Variants in RAB11FIP4 observed in about 807,000 individuals in gnomAD.
RAB11FIP4 encodes the protein rab11 family-interacting protein 4.
In RAB11FIP4, 23 loss-of-function variants were observed where a neutral mutation model predicts 74.3. The observed-to-expected ratio is 0.31, with a 90% CI of 0.22 to 0.44. The LOEUF is 0.44. Among genes scored for constraint, RAB11FIP4 ranks in the 20% least tolerant of loss-of-function variants. The pLI, the probability that RAB11FIP4 is intolerant of heterozygous loss-of-function variation, is 1.00. For missense variants in RAB11FIP4, 630 were observed against 863.9 expected, an observed-to-expected ratio of 0.73 and a Z score of 3.39; for synonymous variants, 360 against 359.9, an observed-to-expected ratio of 1.00 and a Z score of 0.00.
intron 1 of RAB11FIP4, among the ~76,000 whole-genome samples, chr17:31,424,872 T>C (rs2071233275): frequency 6.6e-6 from 1 of 152,282 alleles, no homozygotes; most frequent in African/African-American, 2.4e-5. Context: ...CCACTGTGCC[T>C]GGCCTAATTT....
In RAB11FIP4 at chr17:31,491,772, C is replaced by T. The variant is rs139745601; in HGVS notation, c.337-25879C>T. 4.6e-3 allele frequency among the ~76,000 whole-genome samples: 699 copies of T among 152,276 alleles called. 3 individuals carry two copies. Among genetic ancestry groups the T allele is most frequent in the African/African-American group, 0.014 (593 of 41,550 alleles). Reference sequence around the variant, plus strand: ...AAGTGAGACTAGAAATCCACAGGCACGAGCTGCCTTCCATTGCTCTGCCCT... The same window carrying T: ...AAGTGAGACTAGAAATCCACAGGCATGAGCTGCCTTCCATTGCTCTGCCCT... On this transcript the variant is annotated intron_variant, in intron 3 of 14. Coordinates refer to ENST00000621161, the MANE Select transcript of RAB11FIP4 (RefSeq NM_032932.6).
chr17:31,488,312 G>A, intron 3 of RAB11FIP4: 1 of 1,173,984 alleles, frequency 8.5e-7, no homozygotes, highest in Non-Finnish European at 1.1e-6. Context: ...CAGGGCTCCG[G>A]CGGCGCGCAC....
At chr17:31,508,570 C>G (rs1481758573) in intron 3 of RAB11FIP4, among the ~76,000 whole-genome samples, 2 of 152,234 alleles carry the variant, frequency 1.3e-5, no homozygotes, top group Non-Finnish European at 2.9e-5. Flanking sequence ...GCTGGCCAGC[C>G]AGACCTGACA....
intron 3 of RAB11FIP4, among the ~76,000 whole-genome samples, chr17:31,511,642 C>T (rs546011995): frequency 1.3e-5 from 2 of 152,358 alleles, no homozygotes; most frequent in African/African-American, 2.4e-5. Context: ...TGTGTCAGCT[C>T]AGGGAAACGC....
intron 1 of RAB11FIP4, among the ~76,000 whole-genome samples, chr17:31,414,994 C>G (rs921294555): frequency 1.4e-4 from 22 of 152,192 alleles, no homozygotes; most frequent in African/African-American, 5.3e-4. Context: ...CAGCGTTGAC[C>G]CAAGAGGGCA....
chr17:31,394,253 A>C (rs948475640), intron 1 of RAB11FIP4, among the ~76,000 whole-genome samples: 4 of 152,212 alleles, frequency 2.6e-5, no homozygotes, highest in Admixed American at 2.6e-4. Context: ...TTCCATGCTT[A>C]TATGTCAATT....
In RAB11FIP4 at chr17:31,521,946, G is replaced by GTGTA; in HGVS notation, c.791_794dup (p.Asn266ValfsTer22). 1 of 1,614,206 alleles carries GTGTA rather than the reference G, an allele frequency of 6.2e-7. No homozygotes were observed. Among genetic ancestry groups the GTGTA allele is most frequent in the Non-Finnish European group, 8.5e-7 (1 of 1,180,044 alleles). Reference sequence around the variant, plus strand: ...GCAGACGCCTAGGAAAATGCGGCACGTGTACAACAGCGAATTGCTAGATGT... The same window carrying GTGTA: ...GCAGACGCCTAGGAAAATGCGGCACGTGTATGTACAACAGCGAATTGCTAGATGT... On this transcript the variant is annotated frameshift_variant, in exon 6 of 15. Coordinates refer to ENST00000621161, the MANE Select transcript of RAB11FIP4 (RefSeq NM_032932.6). LOFTEE classifies it high-confidence loss of function.
At chr17:31,530,819 A>T (rs1019015518) in intron 14 of RAB11FIP4, among the ~76,000 whole-genome samples, 1 of 152,184 alleles carries the variant, frequency 6.6e-6, no homozygotes, top group Non-Finnish European at 1.5e-5. Flanking sequence ...GGAGGACATT[A>T]GCATTTCCCC....
chr17:31,494,310 C>T (rs2072072094), intron 3 of RAB11FIP4, among the ~76,000 whole-genome samples: 1 of 152,018 alleles, frequency 6.6e-6, no homozygotes, highest in Admixed American at 6.5e-5. Context: ...AGGCTAGTAC[C>T]TCCCTCACAG....
chr17:31,424,489 A>T (rs536387083), intron 1 of RAB11FIP4, among the ~76,000 whole-genome samples: 1 of 151,416 alleles, frequency 6.6e-6, no homozygotes, highest in East Asian at 1.9e-4. Context: ...GCTCATTGCA[A>T]CCTCCCGCCT....
At chr17:31,525,492 G>A (rs2072749426) in intron 10 of RAB11FIP4, 5 of 493,534 alleles carry the variant, frequency 1.0e-5, no homozygotes, top group Non-Finnish European at 1.4e-5. Context: ...CAGAGAAAAG[G>A]GCCTGGGCTG....
Position 31,517,697 on chromosome 17 carries a change from C to T in RAB11FIP4, c.383C>T (p.Pro128Leu). The T allele has an allele frequency of 5.0e-6, 8 of 1,607,768 alleles. No individual in the cohort carries two copies. Among genetic ancestry groups the T allele is most frequent in the Admixed American group, 3.4e-5 (2 of 59,100 alleles). The change falls in exon 4 of 15, where the codon CCC becomes CTC. Residue 128 changes from proline (P) to leucine (L), a missense_variant. Physicochemically the swap from Pro to Leu is moderately conservative, Grantham distance 98. Transcript: ENST00000621161. ...GPTFADGELI[P>L]REPGFFPEDE... ...ACCTTTGCTGATGGCGAGCTCATCC[C>T]CAGGGAACCCGGCTTTTTTCCCGAG... is the stretch of plus-strand genomic sequence containing the variant.
chr17:31,514,784 C>T (rs1269451287), intron 3 of RAB11FIP4, among the ~76,000 whole-genome samples: 1 of 152,212 alleles, frequency 6.6e-6, no homozygotes, highest in Non-Finnish European at 1.5e-5. Context: ...CTTAGGTGTC[C>T]CCGCACTAAC....
chr17:31,424,285 G>A (rs2071226045), intron 1 of RAB11FIP4, among the ~76,000 whole-genome samples: 1 of 152,144 alleles, frequency 6.6e-6, no homozygotes, highest in Non-Finnish European at 1.5e-5. Flanking sequence ...CAATGGGAAA[G>A]CTAGACTGTA....
At chr17:31,438,197 C>T (rs1466943878) in intron 3 of RAB11FIP4, among the ~76,000 whole-genome samples, 3 of 152,028 alleles carry the variant, frequency 2.0e-5, no homozygotes, top group East Asian at 3.9e-4. Context: ...TAGGGGCCCC[C>T]GTGGGGAGGG....
intron 3 of RAB11FIP4, among the ~76,000 whole-genome samples, chr17:31,477,182 C>T (rs2071801806): frequency 6.6e-6 from 1 of 152,238 alleles, no homozygotes; most frequent in South Asian, 2.1e-4. Context: ...GTTACAAGCC[C>T]TTCAGTGTGT....
chr17:31,531,792 A>T lies in RAB11FIP4; in HGVS notation c.*60A>T. ...CTGGGACCAAGGGCAGACCCTGCCC[A>T]AGGATGCAGGCCTAAGCCGGGCCTC... is the stretch of plus-strand genomic sequence containing the variant. On this transcript the variant is annotated 3_prime_UTR_variant, in exon 15 of 15. Transcript: ENST00000621161. 8.9e-6 allele frequency: 10 copies of T among 1,125,662 alleles called. No individual in the cohort carries two copies. The highest frequency in any genetic ancestry group is 1.3e-5 in the Non-Finnish European group (10 of 742,118). 69.7% of individuals were successfully genotyped at this position (1,125,662 alleles called of 1,614,324 possible). A position where few individuals can be genotyped will look rare whatever the true frequency, so the allele number is the denominator to read the frequency against.
At chr17:31,515,914 A>G (rs1389959470) in intron 3 of RAB11FIP4, among the ~76,000 whole-genome samples, 1 of 152,042 alleles carries the variant, frequency 6.6e-6, no homozygotes, top group Non-Finnish European at 1.5e-5. Context: ...TTTATCACAC[A>G]CTGTCATTAT....
chr17:31,467,125 T>TTTCTTTTCTC (rs1478523999), intron 3 of RAB11FIP4, among the ~76,000 whole-genome samples: 4 of 152,024 alleles, frequency 2.6e-5, no homozygotes, highest in African/African-American at 9.7e-5. Context: ...TTTCTTTTCT[T>TTTCTTTTCTC]TTTTTGAGAT....
Sources: gnomAD v4.1 joint callset for allele counts (sites outside exome capture counted in the v4.1 genomes callset) on GRCh38, gnomAD v4.1.1 for gene constraint, MANE v1.5 for transcripts, NCBI Gene and HGNC (gene_info 2026-07-23, HGNC 2026-07-21) for gene names.